The following MACROH2A1 variants were observed in gnomAD, a reference collection of about 807,000 sequenced individuals.
The protein encoded by MACROH2A1 is macroH2A.1 histone.
Under a neutral mutation model 31.6 loss-of-function variants are expected in MACROH2A1, and 2 were observed. That is an observed-to-expected ratio of 0.06 (90% CI 0.03 to 0.20). The LOEUF is 0.20. Among genes scored for constraint, MACROH2A1 ranks in the 10% least tolerant of loss-of-function variants. The probability of loss-of-function intolerance (pLI) is 1.00; values close to 1 mark genes in which losing one functional copy is unlikely to be tolerated. For synonymous variants in MACROH2A1, 169 were observed against 189.6 expected, an observed-to-expected ratio of 0.89 and a Z score of 0.89; for missense variants, 230 against 474.0, an observed-to-expected ratio of 0.49 and a Z score of 4.78.
chr5:135,359,381 C>G (rs149930314), intron 5 of MACROH2A1: 2 of 984,778 alleles, frequency 2.0e-6, no homozygotes, highest in African/African-American at 3.5e-5. Flanking sequence ...TTTAAAGGAA[C>G]AAAAAATATT....
chr5:135,364,339 C>T (rs563788043), intron 4 of MACROH2A1, among the ~76,000 whole-genome samples: 21 of 151,664 alleles, frequency 1.4e-4, no homozygotes, highest in East Asian at 3.8e-4. Flanking sequence ...TGTATACATA[C>T]GTAACACACC....
At chr5:135,358,737 T>A in intron 5 of MACROH2A1, 1 of 954,570 alleles carries the variant, frequency 1.0e-6, no homozygotes, top group East Asian at 1.2e-4. Flanking sequence ...TATCAATACT[T>A]TTCTATGGCT....
intron 8 of MACROH2A1, among the ~76,000 whole-genome samples, chr5:135,340,668 A>G (rs1759677695): frequency 6.6e-6 from 1 of 152,088 alleles, no homozygotes; most frequent in African/African-American, 2.4e-5. Context: ...TCCTTTACCA[A>G]TGGCTCTTTC....
chr5:135,339,338 T>G (rs1190950038), intron 8 of MACROH2A1, among the ~76,000 whole-genome samples: 2 of 152,152 alleles, frequency 1.3e-5, no homozygotes, highest in African/African-American at 4.8e-5. Flanking sequence ...ACGCAGGGAC[T>G]CTAGGTGCAC....
Position 135,334,881 on chromosome 5 carries a change from G to C in MACROH2A1, c.*95C>G. 1 of 1,028,408 alleles carries C rather than the reference G, an allele frequency of 9.7e-7. No individual in the cohort carries two copies. Among genetic ancestry groups the C allele is most frequent in the Non-Finnish European group, 1.4e-6 (1 of 691,438 alleles). 63.7% of individuals were successfully genotyped at this position (1,028,408 alleles called of 1,614,324 possible). A position where few individuals can be genotyped will look rare whatever the true frequency, so the allele number is the denominator to read the frequency against. ...TAGATGAGCAAAACTGAAAATGAAA[G>C]GGGTCCCACCTCCCAGTAGGAGTGA... On this transcript the variant is annotated 3_prime_UTR_variant, in exon 9 of 9. Coordinates refer to ENST00000511689, the MANE Select transcript of MACROH2A1 (RefSeq NM_138610.3).
intron 5 of MACROH2A1, chr5:135,358,834 G>C: frequency 1.0e-6 from 1 of 985,004 alleles, no homozygotes; most frequent in Non-Finnish European, 1.2e-6. Flanking sequence ...TTTTATTCGT[G>C]TGATGCCTGG....
intron 7 of MACROH2A1, chr5:135,345,763 TA>T (rs147475348): frequency 9.4e-4 from 496 of 527,358 alleles, no homozygotes; most frequent in Middle Eastern, 1.5e-3. Context: ...TTTTAAGTAA[TA>T]AAAAAAAATG....
At chr5:135,346,168 G>A (rs1345610301) in intron 6 of MACROH2A1, 111 bp from the exon 7 acceptor site, 1 of 748,394 alleles carries the variant, frequency 1.3e-6, no homozygotes, top group African/African-American at 1.7e-5. Context: ...ATTTCCATCA[G>A]GCTGCAAAAC....
chr5:135,375,481 T>C (rs958763322), intron 2 of MACROH2A1, among the ~76,000 whole-genome samples: 1 of 152,216 alleles, frequency 6.6e-6, no homozygotes, highest in Non-Finnish European at 1.5e-5. Flanking sequence ...TTTTTCCAAA[T>C]GTCTTGAACT....
chr5:135,353,307 G>A (rs577709125), intron 5 of MACROH2A1: 11 of 437,996 alleles, frequency 2.5e-5, no homozygotes, highest in African/African-American at 1.2e-4. Flanking sequence ...CACAGTGGAC[G>A]AGGAGATCAG....
intron 1 of MACROH2A1, among the ~76,000 whole-genome samples, chr5:135,390,034 T>C (rs2149967946): frequency 6.6e-6 from 1 of 152,342 alleles, no homozygotes; most frequent in African/African-American, 2.4e-5. Context: ...CCTAGAAATC[T>C]AGGCCTGGCA....
At chr5:135,365,636 A>AT (rs1354097350) in intron 4 of MACROH2A1, among the ~76,000 whole-genome samples, 1 of 152,226 alleles carries the variant, frequency 6.6e-6, no homozygotes, top group Non-Finnish European at 1.5e-5. Flanking sequence ...ATGAATATTC[A>AT]TTTTTTAAAA....
chr5:135,338,534 A>G (rs568079128), intron 8 of MACROH2A1, among the ~76,000 whole-genome samples: 1 of 152,218 alleles, frequency 6.6e-6, no homozygotes, highest in Non-Finnish European at 1.5e-5. Context: ...TTGCAGTTAC[A>G]CGGTGCTAAC....
intron 2 of MACROH2A1, among the ~76,000 whole-genome samples, chr5:135,371,393 T>C (rs1317090576): frequency 6.6e-6 from 1 of 152,268 alleles, no homozygotes; most frequent in Non-Finnish European, 1.5e-5. Flanking sequence ...CAGTGTATTC[T>C]TGACATTCTG....
chr5:135,367,135 G>C (rs1763610163), intron 4 of MACROH2A1, among the ~76,000 whole-genome samples: 1 of 152,212 alleles, frequency 6.6e-6, no homozygotes, highest in Non-Finnish European at 1.5e-5. Context: ...GGCTTTCTCT[G>C]CATGTCCCTG....
chr5:135,347,883 C>G (rs1669645351), intron 6 of MACROH2A1, among the ~76,000 whole-genome samples: 1 of 152,190 alleles, frequency 6.6e-6, no homozygotes, highest in Admixed American at 6.5e-5. Flanking sequence ...CAGTCTTTAT[C>G]AGATTAACTC....
chr5:135,350,940 A>C, intron 6 of MACROH2A1: 39 of 1,488,220 alleles, frequency 2.6e-5, no homozygotes, highest in Non-Finnish European at 3.2e-5. Context: ...AATGTATATC[A>C]ACTGTGTTGG....
intron 2 of MACROH2A1, among the ~76,000 whole-genome samples, chr5:135,375,946 C>A (rs976883129): frequency 2.0e-5 from 3 of 152,172 alleles, no homozygotes; most frequent in African/African-American, 7.2e-5. Context: ...GACCACACCA[C>A]AACCTCCTCC....
intron 2 of MACROH2A1, among the ~76,000 whole-genome samples, chr5:135,388,459 A>G (rs985343556): frequency 6.6e-6 from 1 of 152,230 alleles, no homozygotes; most frequent in Non-Finnish European, 1.5e-5. Context: ...ACATTCTGCC[A>G]AACAACTAGC....
Sources: allele counts gnomAD v4.1 joint callset (sites outside exome capture counted in the v4.1 genomes callset), GRCh38; gene constraint gnomAD v4.1.1; transcripts MANE v1.5; gene names NCBI Gene and HGNC (gene_info 2026-07-23, HGNC 2026-07-21).